Variants in FLYWCH2 observed in about 807,000 individuals in gnomAD.
FLYWCH2 encodes the protein FLYWCH family member 2.
A neutral mutation model predicts 6.0 loss-of-function variants in FLYWCH2; 2 were observed. The observed-to-expected ratio is 0.33, with a 90% CI of 0.14 to 1.04. FLYWCH2 has a LOEUF of 1.04. FLYWCH2 is among the 50% of genes least tolerant of loss of function. FLYWCH2 has a pLI of 0.45. For missense variants in FLYWCH2, 192 were observed against 183.4 expected (o/e 1.05, Z -0.27); for synonymous variants, 87 against 79.3 (o/e 1.10, Z -0.52).
chr16:2,893,752 C>A (rs981932317), intron 1 of FLYWCH2, among the ~76,000 whole-genome samples: 1 of 151,724 alleles, frequency 6.6e-6, no homozygotes, highest in African/African-American at 2.4e-5. Context: ...ATTCTCCTGC[C>A]TCAGCCTCCC....
intron 1 of FLYWCH2, among the ~76,000 whole-genome samples, chr16:2,887,579 A>AT (rs1302440875): frequency 3.3e-5 from 5 of 150,798 alleles, no homozygotes; most frequent in African/African-American, 4.9e-5. Flanking sequence ...TATTATTATT[A>AT]TTATTTTTTG....
intron 1 of FLYWCH2, among the ~76,000 whole-genome samples, chr16:2,892,639 A>C (rs1180022243): frequency 6.6e-6 from 1 of 151,662 alleles, no homozygotes; most frequent in Non-Finnish European, 1.5e-5. Flanking sequence ...AGGTCAACAG[A>C]TCGAGACCAT....
At chr16:2,886,442 A>G (rs1166562596) in intron 1 of FLYWCH2, among the ~76,000 whole-genome samples, 1 of 149,770 alleles carries the variant, frequency 6.7e-6, no homozygotes, top group Admixed American at 6.6e-5. Flanking sequence ...TCCTGACCTC[A>G]GGTGATCCTC....
intron 1 of FLYWCH2, among the ~76,000 whole-genome samples, chr16:2,894,465 A>G (rs1219249974): frequency 6.6e-6 from 1 of 152,110 alleles, no homozygotes; most frequent in East Asian, 1.9e-4. Flanking sequence ...CAGCGTGTGA[A>G]GCAGGGCGCT....
intron 1 of FLYWCH2, among the ~76,000 whole-genome samples, chr16:2,887,420 C>G (rs1163301262): frequency 6.6e-6 from 1 of 151,380 alleles, no homozygotes; most frequent in Non-Finnish European, 1.5e-5. Context: ...CTCAGCCTCC[C>G]AAAGTGCTAG....
In FLYWCH2 at chr16:2,896,435, G is replaced by A. The variant is rs1178048150; in HGVS notation, c.-15G>A. On this transcript the variant is annotated 5_prime_UTR_variant, in exon 3 of 4. Transcript: ENST00000396958. ...GGGCTGAGTGTGGCCTGAGGGACAG[G>A]CCCTGGGTCCCGGGATGCCCCTGCC... 2 of 1,602,382 alleles carry A rather than the reference G, an allele frequency of 1.2e-6. No individual in the cohort carries two copies. The highest frequency in any genetic ancestry group is 1.3e-5 in the African/African-American group (1 of 74,844).
At chr16:2,884,648 G>A (rs990615436) in intron 1 of FLYWCH2, among the ~76,000 whole-genome samples, 17 of 151,628 alleles carry the variant, frequency 1.1e-4, no homozygotes, top group African/African-American at 4.1e-4. Context: ...GCCAAGGAGG[G>A]TGGATCACCT....
rs563787538 is a variant in FLYWCH2, at chr16:2,896,731, C to A, written c.282C>A (p.Ala94=). The change falls in exon 3 of 4, where the codon GCC becomes GCA. Residue 94 remains alanine (A), a synonymous_variant. Coordinates refer to ENST00000396958, the MANE Select transcript of FLYWCH2 (RefSeq NM_138439.3). ...AGGCCCAGCGGGCCATTGAGGCAGCCCCTCAGGAGCCTGAGCAGAAACGGA... is the reference window on the plus strand; with the variant it reads ...AGGCCCAGCGGGCCATTGAGGCAGCACCTCAGGAGCCTGAGCAGAAACGGA... The part of the protein sequence containing the change: ...HPEAQRAIEA[A]PQEPEQKRSR... The A allele has an allele frequency of 1.2e-5, 19 of 1,611,968 alleles. No homozygotes were observed. The South Asian group carries it at 1.3e-4, about 11-fold the overall frequency.
At chr16:2,889,143 G>A (rs2069728881) in intron 1 of FLYWCH2, among the ~76,000 whole-genome samples, 1 of 144,486 alleles carries the variant, frequency 6.9e-6, no homozygotes, top group Non-Finnish European at 1.5e-5. Context: ...TGTTGTTGTT[G>A]TTGTTGTTTG....
rs778031103 is a variant in FLYWCH2 at position 2,896,441 on chromosome 16, G to T, written c.-9G>T. On this transcript the variant is annotated 5_prime_UTR_variant, in exon 3 of 4. Coordinates refer to ENST00000396958, the MANE Select transcript of FLYWCH2 (RefSeq NM_138439.3). ...AGTGTGGCCTGAGGGACAGGCCCTG[G>T]GTCCCGGGATGCCCCTGCCCGAGCC... is the stretch of plus-strand genomic sequence containing the variant. 1 of 1,605,516 alleles carries T rather than the reference G, an allele frequency of 6.2e-7. No homozygotes were observed. Among genetic ancestry groups the T allele is most frequent in the South Asian group, 1.1e-5 (1 of 90,052 alleles).
At chr16:2,883,402 C>A (rs1386244534) in intron 1 of FLYWCH2, 36 bp downstream of exon 1, 1 of 152,082 alleles carries the variant, frequency 6.6e-6, no homozygotes, top group Non-Finnish European at 1.5e-5. Flanking sequence ...GAGGGTCCTG[C>A]GTCCTCGGCA....
intron 1 of FLYWCH2, among the ~76,000 whole-genome samples, chr16:2,887,493 G>A (rs1428268891): frequency 6.6e-6 from 1 of 151,546 alleles, no homozygotes; most frequent in African/African-American, 2.4e-5. Flanking sequence ...TTTTGTATAT[G>A]CTGTGAGGAA....
chr16:2,896,588 G>A lies in FLYWCH2; in HGVS notation c.139G>A (p.Ala47Thr), dbSNP rs757274726. 6.2e-7 allele frequency: 1 copy of A among 1,614,178 alleles called. No homozygotes were observed. ...RKFSKLVLLT[A>T]SKDSTKVAGA... Reference sequence around the variant, plus strand: ...GTTCTCCAAACTGGTCCTGCTCACAGCCTCCAAAGACAGCACCAAGGTGGC... The same window carrying A: ...GTTCTCCAAACTGGTCCTGCTCACAACCTCCAAAGACAGCACCAAGGTGGC... The change falls in exon 3 of 4, where the codon GCC becomes ACC. Residue 47 changes from alanine (A) to threonine (T), a missense_variant. Physicochemically the swap from Ala to Thr is moderately conservative, Grantham distance 58. Coordinates refer to ENST00000396958, the MANE Select transcript of FLYWCH2 (RefSeq NM_138439.3).
intron 1 of FLYWCH2, among the ~76,000 whole-genome samples, 196 bp from the exon 2 acceptor site, chr16:2,895,024 G>A (rs575527811): frequency 6.6e-6 from 1 of 152,110 alleles, no homozygotes; most frequent in Non-Finnish European, 1.5e-5. Context: ...TGCCCAAGCT[G>A]CAGTCTTGTG....
chr16:2,896,642 G>C lies in FLYWCH2; in HGVS notation c.193G>C (p.Val65Leu). ...AGAKRKGVHC[V>L]MSLGVPGPAT... ...GGCCAAGCGCAAGGGTGTGCACTGT[G>C]TCATGTCCCTGGGGGTGCCCGGCCC... The change falls in exon 3 of 4, where the codon GTC becomes CTC. Residue 65 changes from valine to leucine, a missense_variant. Val to Leu is a conservative substitution (Grantham distance 32, BLOSUM62 1). Coordinates refer to ENST00000396958, the MANE Select transcript of FLYWCH2 (RefSeq NM_138439.3). The C allele has an allele frequency of 2.5e-6, 4 of 1,613,766 alleles. No homozygotes were observed. The highest frequency in any genetic ancestry group is 3.4e-6 in the Non-Finnish European group (4 of 1,179,956).
At position 2,896,480 on chromosome 16, in the gene FLYWCH2, G is replaced by A; in HGVS notation, c.31G>A (p.Gly11Ser). 1 of 1,613,848 alleles carries A rather than the reference G, an allele frequency of 6.2e-7. No homozygotes were observed. Among genetic ancestry groups the A allele is most frequent in the Non-Finnish European group, 8.5e-7 (1 of 1,179,898 alleles). The part of the protein sequence containing the change: MPLPEPSEQE[G>S]ESVKASQEPS... ...CCTGCCCGAGCCCAGCGAGCAGGAG[G>A]GTGAGAGTGTGAAGGCCAGCCAGGA... Residue 11 changes from glycine to serine, a missense_variant, in exon 3 of 4, where the codon GGT becomes AGT. Gly to Ser is a moderately conservative substitution (Grantham distance 56). Coordinates refer to ENST00000396958, the MANE Select transcript of FLYWCH2 (RefSeq NM_138439.3).
intron 1 of FLYWCH2, among the ~76,000 whole-genome samples, chr16:2,886,344 C>T (rs1236343399): frequency 3.3e-5 from 5 of 151,678 alleles, no homozygotes; most frequent in Non-Finnish European, 7.4e-5. Flanking sequence ...AGGCATGTGC[C>T]ACCATGCCAC....
In FLYWCH2 at chr16:2,898,995, C is replaced by A. The variant is rs1382498469; in HGVS notation, c.323-54C>A. ...GCCTGGTAGACCCCCAACAGCCAAG[C>A]TGAGCCCTCCCATCTCCATTGACAC... is the stretch of plus-strand genomic sequence containing the variant. On this transcript the variant is annotated intron_variant, in intron 3 of 3. Transcript: ENST00000396958. The A allele has an allele frequency of 2.7e-6, 4 of 1,461,168 alleles. No individual in the cohort carries two copies. In the Admixed American group the frequency reaches 5.7e-5, roughly 21 times the overall value. 90.5% of individuals were successfully genotyped at this position (1,461,168 alleles called of 1,614,324 possible). A position where few individuals can be genotyped will look rare whatever the true frequency, so the allele number is the denominator to read the frequency against.
At chr16:2,897,792 A>G (rs2069840264) in intron 3 of FLYWCH2, among the ~76,000 whole-genome samples, 1 of 152,178 alleles carries the variant, frequency 6.6e-6, no homozygotes, top group Non-Finnish European at 1.5e-5. Flanking sequence ...GCAGCAGAGG[A>G]AATGGGCTGG....
Sources: allele counts gnomAD v4.1 joint callset (sites outside exome capture counted in the v4.1 genomes callset), GRCh38; gene constraint gnomAD v4.1.1; transcripts MANE v1.5; gene names NCBI Gene and HGNC (gene_info 2026-07-23, HGNC 2026-07-21).